Variants in BPNT2 observed in about 807,000 individuals in gnomAD.
BPNT2 encodes the protein 3'(2'), 5'-bisphosphate nucleotidase 2.
In BPNT2, 11 loss-of-function variants were observed where a neutral mutation model predicts 29.3. That is an observed-to-expected ratio of 0.38 (90% CI 0.24 to 0.62). The LOEUF (loss-of-function observed/expected upper bound fraction) is 0.62. Among genes scored for constraint, BPNT2 ranks in the 20% least tolerant of loss-of-function variants. The pLI is 0.62. For synonymous variants in BPNT2, 195 were observed against 187.7 expected, an observed-to-expected ratio of 1.04 and a Z score of -0.32; for missense variants, 459 against 473.4, an observed-to-expected ratio of 0.97 and a Z score of 0.28.
chr8:56,989,380 A>T (rs1806375066), intron 1 of BPNT2, among the ~76,000 whole-genome samples: 1 of 152,024 alleles, frequency 6.6e-6, no homozygotes, highest in Non-Finnish European at 1.5e-5. Flanking sequence ...TTTAAAAAAA[A>T]AAAAAAAAAA....
intron 3 of BPNT2, among the ~76,000 whole-genome samples, chr8:56,971,743 A>T (rs1167320457): frequency 6.6e-6 from 1 of 150,596 alleles, no homozygotes; most frequent in African/African-American, 2.5e-5. Flanking sequence ...CATAAACTGC[A>T]CAAAATTATA....
rs547094951 is a variant in BPNT2, at chr8:56,980,577, A to G, written c.388-380T>C. On this transcript the variant is annotated intron_variant, in intron 1 of 4. Transcript: ENST00000262644. ...ATTCTGGAACACAACACAAGCAACTAGAGTTAGAAGAAAGACGTATCATAG... is the reference window on the plus strand; with the variant it reads ...ATTCTGGAACACAACACAAGCAACTGGAGTTAGAAGAAAGACGTATCATAG... 2.6e-5 allele frequency among the ~76,000 whole-genome samples: 4 copies of G among 152,224 alleles called. 1 individual carries two copies. The highest frequency in any genetic ancestry group is 9.6e-5 in the African/African-American group (4 of 41,574).
chr8:56,968,854 G>T (rs551102915), intron 3 of BPNT2, among the ~76,000 whole-genome samples: 1 of 152,202 alleles, frequency 6.6e-6, no homozygotes, highest in South Asian at 2.1e-4. Context: ...TTCAGATTGT[G>T]AACTCATTTG....
In BPNT2 at chr8:56,959,230, G is replaced by C. The variant is rs1439847989; in HGVS notation, c.*4563C>G. 1.3e-5 allele frequency: 2 copies of C among 152,076 alleles called. No individual in the cohort carries two copies. The highest frequency in any genetic ancestry group is 2.9e-5 in the Non-Finnish European group (2 of 67,992). The allele number at this position is 152,076 out of a possible 1,614,324, so 9.4% of individuals were successfully genotyped here. A position where few individuals can be genotyped will look rare whatever the true frequency, so the allele number is the denominator to read the frequency against. The stretch of plus-strand genomic sequence containing the variant: ...TGGTTTATGTTATCTTATCTAGAAA[G>C]AAAACTACTTACAAATCTCATTTTC... On this transcript the variant is annotated 3_prime_UTR_variant, in exon 5 of 5. Transcript: ENST00000262644.
intron 3 of BPNT2, among the ~76,000 whole-genome samples, chr8:56,973,449 G>A (rs1806070196): frequency 1.3e-5 from 2 of 152,130 alleles, no homozygotes; most frequent in African/African-American, 4.8e-5. Flanking sequence ...CCATGAATTC[G>A]TCAAGCCCAA....
chr8:56,987,731 CT>C (rs35492743), intron 1 of BPNT2, among the ~76,000 whole-genome samples: 10,394 of 139,942 alleles, frequency 0.074, 460 homozygotes, highest in East Asian at 0.26. Flanking sequence ...TAACTATTTT[CT>C]TTTTTTTTTT....
At position 56,959,114 on chromosome 8, in the gene BPNT2, C is replaced by T. The variant is rs1474394522; in HGVS notation, c.*4679G>A. On this transcript the variant is annotated 3_prime_UTR_variant, in exon 5 of 5. Transcript: ENST00000262644. Reference sequence around the variant, plus strand: ...ACACAGTTTATGCTTTTTCAATTTCCACAAATTGTTAATTATGATACTTAA... The same window carrying T: ...ACACAGTTTATGCTTTTTCAATTTCTACAAATTGTTAATTATGATACTTAA... The T allele has an allele frequency of 6.6e-6, 1 of 152,048 alleles. No individual in the cohort carries two copies. Among genetic ancestry groups the T allele is most frequent in the South Asian group, 2.1e-4 (1 of 4,826 alleles). 9.4% of individuals were successfully genotyped at this position (152,048 alleles called of 1,614,324 possible).
chr8:56,984,895 T>C (rs1394902447), intron 1 of BPNT2, among the ~76,000 whole-genome samples: 1 of 152,034 alleles, frequency 6.6e-6, no homozygotes, highest in African/African-American at 2.4e-5. Flanking sequence ...TGCACCCTTA[T>C]TTACTGTACC....
Position 56,966,296 on chromosome 8 carries a change from T to C in BPNT2, c.703A>G (p.Lys235Glu), listed in dbSNP as rs778956808. The change falls in exon 4 of 5, where the codon AAG becomes GAG. Residue 235 changes from lysine to glutamate, a missense_variant. Transcript: ENST00000262644. ...NVKARSSYNEKTPRIVVSRSH... is the reference protein window; with the variant it reads ...NVKARSSYNEETPRIVVSRSH... ...CGAGACACAACGATCCTTGGGGTCT[T>C]CTCATTGTAGGAAGAGCGGGCTTTC... 4.8e-5 allele frequency: 78 copies of C among 1,613,870 alleles called. No homozygotes were observed. Among genetic ancestry groups the C allele is most frequent in the Non-Finnish European group, 6.5e-5 (77 of 1,179,892 alleles).
At chr8:56,964,581 G>A (rs181835115) in intron 4 of BPNT2, among the ~76,000 whole-genome samples, 70 of 152,282 alleles carry the variant, frequency 4.6e-4, no homozygotes, top group African/African-American at 1.6e-3. Flanking sequence ...GATTACAGGC[G>A]TGAGCCACTG....
intron 3 of BPNT2, among the ~76,000 whole-genome samples, chr8:56,974,737 A>T (rs1025653272): frequency 6.6e-6 from 1 of 152,188 alleles, no homozygotes; most frequent in African/African-American, 2.4e-5. Flanking sequence ...TATATTACTA[A>T]CTTAAAAAGA....
At position 56,960,647 on chromosome 8, in the gene BPNT2, G is replaced by C. The variant is rs936038597; in HGVS notation, c.*3146C>G. On this transcript the variant is annotated 3_prime_UTR_variant, in exon 5 of 5. Coordinates refer to ENST00000262644, the MANE Select transcript of BPNT2 (RefSeq NM_017813.5). ...AGGTCCTTGTAAATTCAACTGAACT[G>C]GGGATACAAGTAGGAAAACAGTAAA... 3 of 152,150 alleles carry C rather than the reference G, an allele frequency of 2.0e-5. No homozygotes were observed. Among genetic ancestry groups the C allele is most frequent in the African/African-American group, 7.2e-5 (3 of 41,434 alleles). The allele number at this position is 152,150 out of a possible 1,614,324, so 9.4% of individuals were successfully genotyped here. A position where few individuals can be genotyped will look rare whatever the true frequency, so the allele number is the denominator to read the frequency against.
At chr8:56,973,448 C>T (rs1806070164) in intron 3 of BPNT2, among the ~76,000 whole-genome samples, 2 of 152,182 alleles carry the variant, frequency 1.3e-5, no homozygotes, top group Non-Finnish European at 2.9e-5. Context: ...CCCATGAATT[C>T]GTCAAGCCCA....
chr8:56,984,096 A>G lies in BPNT2; in HGVS notation c.388-3899T>C, dbSNP rs1268415793. Reference sequence around the variant, plus strand: ...GTAGCTTATGGGCCTTAACCACTGTAGCTTACAAAACGGCAGTGCCAAGTC... The same window carrying G: ...GTAGCTTATGGGCCTTAACCACTGTGGCTTACAAAACGGCAGTGCCAAGTC... On this transcript the variant is annotated intron_variant, in intron 1 of 4. Transcript: ENST00000262644. 1.3e-5 allele frequency among the ~76,000 whole-genome samples: 2 copies of G among 152,194 alleles called. 1 individual carries two copies. The highest frequency in any genetic ancestry group is 4.1e-4 in the South Asian group (2 of 4,824).
At chr8:56,969,356 C>G (rs1388146753) in intron 3 of BPNT2, among the ~76,000 whole-genome samples, 2 of 152,144 alleles carry the variant, frequency 1.3e-5, no homozygotes, top group African/African-American at 2.4e-5. Flanking sequence ...CTAAGGTAAT[C>G]TATTACAGGA....
chr8:56,973,338 T>G (rs906065240), intron 3 of BPNT2, among the ~76,000 whole-genome samples: 19 of 152,078 alleles, frequency 1.2e-4, no homozygotes, highest in African/African-American at 4.6e-4. Flanking sequence ...AAGTACTCTA[T>G]GGAAAGGACT....
chr8:56,991,608 T>G (rs1453496001), intron 1 of BPNT2, among the ~76,000 whole-genome samples: 2 of 152,216 alleles, frequency 1.3e-5, no homozygotes, highest in African/African-American at 4.8e-5. Flanking sequence ...TAAGCTGGAG[T>G]GTCACGAGCC....
Position 56,960,436 on chromosome 8 carries a change from A to G in BPNT2, c.*3357T>C, listed in dbSNP as rs928252079. ...CTCCCTCTGACACAGTTCACAAAATATTCAAAGGGAGCACCTAACAAACAA... is the reference window on the plus strand; with the variant it reads ...CTCCCTCTGACACAGTTCACAAAATGTTCAAAGGGAGCACCTAACAAACAA... On this transcript the variant is annotated 3_prime_UTR_variant, in exon 5 of 5. Coordinates refer to ENST00000262644, the MANE Select transcript of BPNT2 (RefSeq NM_017813.5). The G allele has an allele frequency of 3.9e-5, 6 of 152,204 alleles. No homozygotes were observed. The highest frequency in any genetic ancestry group is 3.9e-4 in the Admixed American group (6 of 15,276). The allele number at this position is 152,204 out of a possible 1,614,324, so 9.4% of individuals were successfully genotyped here.
intron 1 of BPNT2, among the ~76,000 whole-genome samples, chr8:56,982,798 T>C (rs1411284208): frequency 6.6e-6 from 1 of 152,176 alleles, no homozygotes; most frequent in African/African-American, 2.4e-5. Flanking sequence ...CAATTATTCA[T>C]AATGGCTAAA....
Sources: gnomAD v4.1 joint callset for allele counts (sites outside exome capture counted in the v4.1 genomes callset) on GRCh38, gnomAD v4.1.1 for gene constraint, MANE v1.5 for transcripts, NCBI Gene and HGNC (gene_info 2026-07-23, HGNC 2026-07-21) for gene names.